NLGN1: variants seen among roughly 807,000 people sequenced by gnomAD.
NLGN1 encodes neuroligin-1.
NLGN1 carries 12 observed loss-of-function variants against 65.5 expected under a neutral mutation model. The ratio of observed to expected loss-of-function variants is 0.18; its 90% CI spans 0.12 to 0.30. The LOEUF is 0.30. Ranked by LOEUF, NLGN1 falls within the 10% of genes least tolerant of loss-of-function variation. NLGN1 has a pLI of 1.00. For missense variants in NLGN1, 750 were observed against 1,007.1 expected (o/e 0.74, Z 3.46); for synonymous variants, 350 against 359.5 (o/e 0.97, Z 0.30).
intron 4 of NLGN1, among the ~76,000 whole-genome samples, chr3:173,911,739 T>A (rs570579149): frequency 6.6e-5 from 10 of 152,308 alleles, no homozygotes; most frequent in African/African-American, 2.4e-4. Flanking sequence ...AGAGAGAGCA[T>A]TGATACTTGT....
intron 4 of NLGN1, among the ~76,000 whole-genome samples, chr3:174,076,710 A>AGAGAGAGAGAGAGT (rs1560985197): frequency 7.2e-6 from 1 of 139,014 alleles, no homozygotes; most frequent in Non-Finnish European, 1.6e-5. Flanking sequence ...AGAGAGAGAG[A>AGAGAGAGAGAGAGT]GAGAGAGAGA....
rs552513534 is a variant in NLGN1 at position 173,483,049 on chromosome 3, C to T, written c.-321+47971C>T. On this transcript the variant is annotated intron_variant, in intron 2 of 6. Transcript: ENST00000457714. ...CCTGTTTTATATCCAGTCTTTTAAGCCTCCCAACCTCCAGTAGTTGATTCT... is the reference window on the plus strand; with the variant it reads ...CCTGTTTTATATCCAGTCTTTTAAGTCTCCCAACCTCCAGTAGTTGATTCT... Among the ~76,000 whole-genome samples the T allele has an allele frequency of 3.4e-3, 521 of 152,048 alleles. 3 individuals carry two copies. The highest frequency in any genetic ancestry group is 0.012 in the African/African-American group (502 of 41,530).
chr3:173,671,289 C>T (rs1762410397), intron 3 of NLGN1, among the ~76,000 whole-genome samples: 1 of 152,066 alleles, frequency 6.6e-6, no homozygotes, highest in African/African-American at 2.4e-5. Flanking sequence ...TGCGTGAGCC[C>T]AGGAGTTCGA....
chr3:173,572,333 A>G (rs954061274), intron 2 of NLGN1, among the ~76,000 whole-genome samples: 3 of 152,256 alleles, frequency 2.0e-5, no homozygotes, highest in African/African-American at 7.2e-5. Flanking sequence ...TAATTCTGGT[A>G]AAAATTAAGC....
chr3:173,912,044 C>A (rs952180447), intron 4 of NLGN1, among the ~76,000 whole-genome samples: 16 of 152,112 alleles, frequency 1.1e-4, no homozygotes, highest in Non-Finnish European at 2.4e-4. Flanking sequence ...CACAAGAAAT[C>A]TGGTTGTATG....
intron 4 of NLGN1, among the ~76,000 whole-genome samples, chr3:174,025,740 C>T (rs1728703785): frequency 6.6e-6 from 1 of 152,154 alleles, no homozygotes; most frequent in Non-Finnish European, 1.5e-5. Flanking sequence ...GCTGGAAACA[C>T]TATGCACTGT....
intron 4 of NLGN1, among the ~76,000 whole-genome samples, chr3:174,152,646 A>T (rs1040373235): frequency 3.3e-5 from 5 of 151,836 alleles, no homozygotes; most frequent in Non-Finnish European, 7.4e-5. Context: ...AAAGTATAAT[A>T]AAAATATATA....
intron 3 of NLGN1, among the ~76,000 whole-genome samples, chr3:173,640,673 G>A (rs1442921551): frequency 6.6e-6 from 1 of 152,142 alleles, no homozygotes; most frequent in East Asian, 1.9e-4. Flanking sequence ...CCATCCAGGA[G>A]TTAATCAAAA....
At chr3:173,478,668 C>A (rs1478321354) in intron 2 of NLGN1, among the ~76,000 whole-genome samples, 4 of 152,010 alleles carry the variant, frequency 2.6e-5, no homozygotes, top group Non-Finnish European at 5.9e-5. Flanking sequence ...CACCTGTAAT[C>A]CCAGCACTTT....
intron 4 of NLGN1, among the ~76,000 whole-genome samples, chr3:174,255,245 C>T (rs1387205417): frequency 6.6e-6 from 1 of 151,986 alleles, no homozygotes; most frequent in African/African-American, 2.4e-5. Context: ...ACCATGCTGG[C>T]TAACACGGTG....
At chr3:174,214,261 T>C (rs1737202462) in intron 4 of NLGN1, among the ~76,000 whole-genome samples, 1 of 152,202 alleles carries the variant, frequency 6.6e-6, no homozygotes, top group Admixed American at 6.5e-5. Flanking sequence ...ATTATTTTTA[T>C]TGTTTCTTCA....
intron 4 of NLGN1, among the ~76,000 whole-genome samples, chr3:173,879,243 AAAAG>A (rs550296985): frequency 1.4e-3 from 220 of 151,794 alleles, no homozygotes; most frequent in Non-Finnish European, 2.3e-3. Context: ...GACAAAAAAA[AAAAG>A]AAAGAAAGAA....
chr3:174,213,990 G>A (rs549324781), intron 4 of NLGN1, among the ~76,000 whole-genome samples: 2 of 152,138 alleles, frequency 1.3e-5, no homozygotes, highest in South Asian at 4.1e-4. Flanking sequence ...CAATATATGT[G>A]ACATGCTTTT....
chr3:174,012,908 G>A (rs1292110086), intron 4 of NLGN1, among the ~76,000 whole-genome samples: 1 of 152,158 alleles, frequency 6.6e-6, no homozygotes, highest in Non-Finnish European at 1.5e-5. Flanking sequence ...TTGATCTGAT[G>A]TTAAGTTGCC....
At chr3:173,601,244 T>C (rs1390269319) in intron 2 of NLGN1, among the ~76,000 whole-genome samples, 2 of 151,980 alleles carry the variant, frequency 1.3e-5, no homozygotes, top group East Asian at 1.9e-4. Context: ...ATTTCAAACA[T>C]ACAAAAGAAT....
intron 4 of NLGN1, among the ~76,000 whole-genome samples, chr3:173,942,679 TG>T (rs34891350): frequency 0.29 from 43,743 of 151,996 alleles, 6,753 homozygotes; most frequent in African/African-American, 0.38. Context: ...AACTTTCTGA[TG>T]CCTATGAGAA....
intron 4 of NLGN1, among the ~76,000 whole-genome samples, chr3:173,810,394 T>G (rs1717664458): frequency 6.6e-6 from 1 of 152,152 alleles, no homozygotes; most frequent in Non-Finnish European, 1.5e-5. Flanking sequence ...CTTGAGTGAT[T>G]AAGTAGGAAA....
intron 4 of NLGN1, among the ~76,000 whole-genome samples, chr3:174,132,174 C>A (rs1010533043): frequency 6.6e-6 from 1 of 152,294 alleles, no homozygotes; most frequent in Admixed American, 6.5e-5. Flanking sequence ...CTAAGACTTG[C>A]TTTCACTTTA....
At chr3:174,158,681 G>A (rs1577145981) in intron 4 of NLGN1, among the ~76,000 whole-genome samples, 1 of 151,620 alleles carries the variant, frequency 6.6e-6, no homozygotes, top group Non-Finnish European at 1.5e-5. Context: ...TTGGAATAGT[G>A]TTATTTTGTG....
Sources: allele counts gnomAD v4.1 joint callset (sites outside exome capture counted in the v4.1 genomes callset), GRCh38; gene constraint gnomAD v4.1.1; transcripts MANE v1.5; gene names NCBI Gene and HGNC (gene_info 2026-07-23, HGNC 2026-07-21).